Variants in FAM135B observed in about 807,000 individuals in gnomAD.
FAM135B encodes family with sequence similarity 135 member B, also known as protein FAM135B.
In FAM135B, 43 loss-of-function variants were observed where a neutral mutation model predicts 127.7. The observed-to-expected ratio is 0.34, with a 90% CI of 0.26 to 0.43. FAM135B has a LOEUF of 0.43. FAM135B is among the 20% of genes least tolerant of loss of function. The pLI, the probability that FAM135B is intolerant of heterozygous loss-of-function variation, is 1.00. For synonymous variants in FAM135B, 670 were observed against 665.1 expected, an observed-to-expected ratio of 1.01 and a Z score of -0.11; for missense variants, 1,558 against 1,725.6, an observed-to-expected ratio of 0.90 and a Z score of 1.72.
At chr8:138,452,440 G>A (rs1240661595) in intron 1 of FAM135B, among the ~76,000 whole-genome samples, 1 of 152,020 alleles carries the variant, frequency 6.6e-6, no homozygotes, top group Non-Finnish European at 1.5e-5. Flanking sequence ...TTTTCAAAGT[G>A]GAGGTGACCA....
In FAM135B at chr8:138,242,888, C is replaced by T. The variant is rs1820940240; in HGVS notation, c.669+54G>A. The stretch of plus-strand genomic sequence containing the variant: ...AAGCATGAATCTCATAGAACATACA[C>T]TCTGCAAAGTAAAGTTTGAAAGTTT... On this transcript the variant is annotated intron_variant, in intron 7 of 19. Transcript: ENST00000395297. The surrounding 1 kb of genome is among the most constrained non-coding windows in gnomAD (Gnocchi z 9.6). 16 of 1,578,830 alleles carry T rather than the reference C, an allele frequency of 1.0e-5. No homozygotes were observed. The highest frequency in any genetic ancestry group is 1.4e-5 in the Non-Finnish European group (16 of 1,164,372).
chr8:138,351,277 T>C (rs1241291514), intron 2 of FAM135B, among the ~76,000 whole-genome samples: 1 of 151,946 alleles, frequency 6.6e-6, no homozygotes, highest in Non-Finnish European at 1.5e-5. Context: ...GAAAGCCCAA[T>C]AGAGTTAAAA....
At chr8:138,341,425 G>A (rs1829038594) in intron 2 of FAM135B, among the ~76,000 whole-genome samples, 1 of 152,178 alleles carries the variant, frequency 6.6e-6, no homozygotes, top group Non-Finnish European at 1.5e-5. Context: ...GCAGGAACTG[G>A]GTTAGTTAAA....
chr8:138,497,554 G>C (rs1356569266), upstream of FAM135B, among the ~76,000 whole-genome samples: 4 of 152,186 alleles, frequency 2.6e-5, no homozygotes. Context: ...GGAGGGGACT[G>C]TTGAACTTGG....
At chr8:138,305,002 A>G (rs189622644) in intron 3 of FAM135B, among the ~76,000 whole-genome samples, 1 of 152,304 alleles carries the variant, frequency 6.6e-6, no homozygotes, top group East Asian at 1.9e-4. Flanking sequence ...CCAGGCTGGT[A>G]CTTAGAGCCT....
chr8:138,382,880 C>G (rs552975437), intron 1 of FAM135B, among the ~76,000 whole-genome samples: 1 of 152,252 alleles, frequency 6.6e-6, no homozygotes, highest in African/African-American at 2.4e-5. Context: ...ACCTGTCCTG[C>G]AGGCATAATC....
intron 1 of FAM135B, among the ~76,000 whole-genome samples, chr8:138,488,131 A>G (rs996843779): frequency 2.0e-4 from 30 of 152,172 alleles, no homozygotes; most frequent in Non-Finnish European, 7.3e-5. Context: ...CTGGAAGGCC[A>G]CCTTCTGACC....
At chr8:138,434,356 A>G (rs1835352766) in intron 1 of FAM135B, among the ~76,000 whole-genome samples, 1 of 152,166 alleles carries the variant, frequency 6.6e-6, no homozygotes, top group Non-Finnish European at 1.5e-5. Context: ...GAAGGTGACA[A>G]GGTGACACAC....
At chr8:138,361,968 A>C (rs1362396948) in intron 2 of FAM135B, among the ~76,000 whole-genome samples, 1 of 151,772 alleles carries the variant, frequency 6.6e-6, no homozygotes, top group Non-Finnish European at 1.5e-5. Flanking sequence ...TTTTTTCCTG[A>C]TTTTAAATTT....
intron 1 of FAM135B, among the ~76,000 whole-genome samples, chr8:138,368,826 T>C (rs1328461140): frequency 1.3e-5 from 2 of 152,140 alleles, no homozygotes; most frequent in Non-Finnish European, 2.9e-5. Flanking sequence ...GGTTGGGTTT[T>C]CTGAGAATAT....
At chr8:138,382,663 T>C (rs550732505) in intron 1 of FAM135B, among the ~76,000 whole-genome samples, 115 of 152,148 alleles carry the variant, frequency 7.6e-4, no homozygotes, top group Non-Finnish European at 1.1e-3. Context: ...AATTTATACA[T>C]AAAGTGCATA....
chr8:138,436,073 A>G (rs946111440), intron 1 of FAM135B, among the ~76,000 whole-genome samples: 4 of 152,164 alleles, frequency 2.6e-5, no homozygotes, highest in Non-Finnish European at 4.4e-5. Flanking sequence ...GTGTCGTAAA[A>G]GAGGTGGAGA....
chr8:138,375,577 A>G (rs943526374), intron 1 of FAM135B, among the ~76,000 whole-genome samples: 3 of 152,212 alleles, frequency 2.0e-5, no homozygotes, highest in African/African-American at 7.2e-5. Flanking sequence ...TGTCAGACCC[A>G]GCCCTTCCAT....
chr8:138,203,403 G>A (rs1395970649), intron 7 of FAM135B, among the ~76,000 whole-genome samples: 1 of 152,144 alleles, frequency 6.6e-6, no homozygotes, highest in Non-Finnish European at 1.5e-5. Context: ...CTCACTTTGA[G>A]CACCTGTCAG....
intron 1 of FAM135B, among the ~76,000 whole-genome samples, chr8:138,470,865 G>C (rs565893768): frequency 6.6e-6 from 1 of 152,134 alleles, no homozygotes; most frequent in East Asian, 1.9e-4. Context: ...AAATATTAAA[G>C]AGCCCAATTT....
Position 138,366,670 on chromosome 8 carries a change from G to A in FAM135B, c.77+1237C>T, listed in dbSNP as rs548701070. ...CTGAATTTCATCCTTAAGTAAGTAGGGGCCATAGCACACAAGAGGCACTTG... is the reference window on the plus strand; with the variant it reads ...CTGAATTTCATCCTTAAGTAAGTAGAGGCCATAGCACACAAGAGGCACTTG... On this transcript the variant is annotated intron_variant, in intron 2 of 19. Transcript: ENST00000395297. Among the ~76,000 whole-genome samples, 7 of 152,262 alleles carry A rather than the reference G, an allele frequency of 4.6e-5. No individual in the cohort carries two copies. In the South Asian group the frequency reaches 1.5e-3, roughly 32 times the overall value.
intron 1 of FAM135B, among the ~76,000 whole-genome samples, chr8:138,442,826 T>G (rs1208883795): frequency 6.6e-6 from 1 of 152,168 alleles, no homozygotes; most frequent in Non-Finnish European, 1.5e-5. Flanking sequence ...GCTCTAGCTG[T>G]GTCTATAATT....
At chr8:138,336,145 G>C (rs901774721) in intron 2 of FAM135B, among the ~76,000 whole-genome samples, 8 of 151,940 alleles carry the variant, frequency 5.3e-5, no homozygotes, top group Non-Finnish European at 8.8e-5. Context: ...ATGCCCACAA[G>C]AGAAAGCAGG....
chr8:138,137,017 T>A (rs1163350268), intron 19 of FAM135B, 130 bp downstream of exon 19: 1 of 636,452 alleles, frequency 1.6e-6, no homozygotes, highest in African/African-American at 1.8e-5. Context: ...ATGTTTGTCC[T>A]ATCACTAAGC....
Sources: allele counts gnomAD v4.1 joint callset (sites outside exome capture counted in the v4.1 genomes callset), GRCh38; gene constraint gnomAD v4.1.1; non-coding constraint Gnocchi (gnomAD v3.1); transcripts MANE v1.5; gene names NCBI Gene and HGNC (gene_info 2026-07-23, HGNC 2026-07-21).